SDHAF3: variants seen among roughly 807,000 people sequenced by gnomAD.
The protein encoded by SDHAF3 is succinate dehydrogenase assembly factor 3, mitochondrial.
Under a neutral mutation model 11.5 loss-of-function variants are expected in SDHAF3, and 18 were observed. That is an observed-to-expected ratio of 1.56 (90% CI 1.08 to 2.32). The LOEUF is 2.32. SDHAF3 is among the 30% of genes most tolerant of loss of function. SDHAF3 has a pLI of 0.00. For synonymous variants in SDHAF3, 72 were observed against 59.3 expected (o/e 1.21, Z -0.99); for missense variants, 200 against 154.4 (o/e 1.30, Z -1.57).
chr7:97,132,676 G>A (rs1791688521), intron 1 of SDHAF3, among the ~76,000 whole-genome samples: 1 of 152,262 alleles, frequency 6.6e-6, no homozygotes, highest in East Asian at 1.9e-4. Flanking sequence ...AATGAAGGCT[G>A]TCAGTGAGGT....
At position 97,149,174 on chromosome 7, in the gene SDHAF3, C is replaced by T. The variant is rs114827455; in HGVS notation, c.174+31277C>T. Among the ~76,000 whole-genome samples, 824 of 152,064 alleles carry T rather than the reference C, an allele frequency of 5.4e-3. 9 individuals are homozygous for T. The highest frequency in any genetic ancestry group is 0.018 in the African/African-American group (759 of 41,494). On this transcript the variant is annotated intron_variant, in intron 1 of 1. Transcript: ENST00000432641. Reference sequence around the variant, plus strand: ...TTGGTCTTGAACTCCTGGGCTCAAGCGATTCTTCCGCTTTGTCTTCCCAAA... The same window carrying T: ...TTGGTCTTGAACTCCTGGGCTCAAGTGATTCTTCCGCTTTGTCTTCCCAAA...
At chr7:97,134,073 C>T (rs1791710705) in intron 1 of SDHAF3, among the ~76,000 whole-genome samples, 1 of 152,182 alleles carries the variant, frequency 6.6e-6, no homozygotes, top group Non-Finnish European at 1.5e-5. Flanking sequence ...AATCCATACA[C>T]TTTTCATGCA....
intron 1 of SDHAF3, among the ~76,000 whole-genome samples, chr7:97,124,893 T>G (rs1791552262): frequency 6.6e-6 from 1 of 152,332 alleles, no homozygotes; most frequent in Non-Finnish European, 1.5e-5. Context: ...AAGGAGTTTT[T>G]GGGCTGAGAC....
intron 1 of SDHAF3, among the ~76,000 whole-genome samples, chr7:97,166,661 ACCACCCTTTC>A (rs1245698479): frequency 6.6e-6 from 1 of 151,830 alleles, no homozygotes; most frequent in Non-Finnish European, 1.5e-5. Flanking sequence ...GGCATGTCTG[ACCACCCTTTC>A]CCATCATGGC....
intron 1 of SDHAF3, among the ~76,000 whole-genome samples, chr7:97,147,618 A>T (rs1461389058): frequency 2.0e-5 from 3 of 152,196 alleles, no homozygotes; most frequent in South Asian, 2.1e-4. Flanking sequence ...GCCATGGGGG[A>T]GTGCTTGTGC....
At chr7:97,153,053 G>T (rs1346746361) in intron 1 of SDHAF3, among the ~76,000 whole-genome samples, 2 of 152,206 alleles carry the variant, frequency 1.3e-5, no homozygotes, top group Non-Finnish European at 2.9e-5. Flanking sequence ...GTTTTGGGGA[G>T]GGCCTGTCAC....
chr7:97,140,218 C>A (rs1403221125), intron 1 of SDHAF3, among the ~76,000 whole-genome samples: 1 of 152,066 alleles, frequency 6.6e-6, no homozygotes, highest in Non-Finnish European at 1.5e-5. Flanking sequence ...ATGGCCAAAC[C>A]CTAAAGTGTC....
intron 1 of SDHAF3, among the ~76,000 whole-genome samples, chr7:97,124,941 A>G (rs1257592208): frequency 6.6e-6 from 1 of 152,150 alleles, no homozygotes; most frequent in Non-Finnish European, 1.5e-5. Flanking sequence ...GTCATCTGCA[A>G]ACAGTTTGAC....
chr7:97,151,689 C>T (rs1048276161), intron 1 of SDHAF3, among the ~76,000 whole-genome samples: 6 of 151,900 alleles, frequency 3.9e-5, no homozygotes, highest in Non-Finnish European at 5.9e-5. Context: ...TTAGTAGAGA[C>T]GGGGTTTCAC....
intron 1 of SDHAF3, among the ~76,000 whole-genome samples, chr7:97,168,234 C>CA (rs1368090083): frequency 7.2e-5 from 11 of 152,188 alleles, no homozygotes; most frequent in Middle Eastern, 6.8e-3. Context: ...AAGCTTAGAG[C>CA]AAAAAATCCT....
At chr7:97,145,185 T>C (rs1789117920) in intron 1 of SDHAF3, among the ~76,000 whole-genome samples, 1 of 152,140 alleles carries the variant, frequency 6.6e-6, no homozygotes, top group Non-Finnish European at 1.5e-5. Flanking sequence ...CTGAATTCCT[T>C]TATCAGTTCT....
intron 1 of SDHAF3, among the ~76,000 whole-genome samples, chr7:97,132,572 T>A (rs973427941): frequency 1.3e-5 from 2 of 152,178 alleles, no homozygotes; most frequent in Admixed American, 6.5e-5. Context: ...TATTCAATGA[T>A]TTTCCACTAA....
intron 1 of SDHAF3, among the ~76,000 whole-genome samples, chr7:97,178,327 G>A (rs1013732393): frequency 1.4e-4 from 21 of 152,122 alleles, no homozygotes; most frequent in Admixed American, 5.2e-4. Context: ...TCCAAATGTC[G>A]TCTATTGTGT....
chr7:97,120,198 G>C (rs2048280319), intron 1 of SDHAF3, among the ~76,000 whole-genome samples: 1 of 152,070 alleles, frequency 6.6e-6, no homozygotes, highest in Non-Finnish European at 1.5e-5. Context: ...CAGTTTTCCT[G>C]TCTTCCCCGA....
At chr7:97,117,945 G>A (rs1429351812) in intron 1 of SDHAF3, 48 bp downstream of exon 1, 1 of 1,595,618 alleles carries the variant, frequency 6.3e-7, no homozygotes, top group Non-Finnish European at 8.5e-7. Flanking sequence ...GGGTTCCTCG[G>A]TGTCCAGGTT....
chr7:97,118,549 CTTTT>C (rs34297923), intron 1 of SDHAF3, among the ~76,000 whole-genome samples: 32 of 141,634 alleles, frequency 2.3e-4, no homozygotes, highest in Non-Finnish European at 2.9e-4. Context: ...AGTCGTTTGA[CTTTT>C]TTTTTTTTTT....
intron 1 of SDHAF3, among the ~76,000 whole-genome samples, chr7:97,125,446 A>G (rs1363684519): frequency 6.6e-6 from 1 of 151,624 alleles, no homozygotes; most frequent in Non-Finnish European, 1.5e-5. Flanking sequence ...CATTGGTTTC[A>G]AAGAAACCAC....
At chr7:97,128,567 TTGTG>T (rs1791612669) in intron 1 of SDHAF3, among the ~76,000 whole-genome samples, 1 of 152,150 alleles carries the variant, frequency 6.6e-6, no homozygotes, top group African/African-American at 2.4e-5. Flanking sequence ...TTCTGAAACA[TTGTG>T]TGTGTAGAGG....
rs373633482 is a variant in SDHAF3, at chr7:97,145,171, T to A, written c.174+27274T>A. Among the ~76,000 whole-genome samples the A allele has an allele frequency of 2.6e-5, 4 of 152,194 alleles. No individual in the cohort carries two copies. In the East Asian group the frequency reaches 5.8e-4, roughly 22 times the overall value. On this transcript the variant is annotated intron_variant, in intron 1 of 1. Transcript: ENST00000432641. ...GTACATTAATCTAGTATCTGGAAAC[T>A]TTGCTGAATTCCTTTATCAGTTCTA...
Sources: allele counts gnomAD v4.1 joint callset (sites outside exome capture counted in the v4.1 genomes callset), GRCh38; gene constraint gnomAD v4.1.1; transcripts MANE v1.5; gene names NCBI Gene and HGNC (gene_info 2026-07-23, HGNC 2026-07-21).